WDTC1: variants seen among roughly 807,000 people sequenced by gnomAD.
WDTC1 encodes the protein WD and tetratricopeptide repeats protein 1.
Under a neutral mutation model 76.0 loss-of-function variants are expected in WDTC1, and 12 were observed. That is an observed-to-expected ratio of 0.16 (90% confidence interval 0.10 to 0.26). WDTC1 has a LOEUF of 0.26. Among genes scored for constraint, WDTC1 ranks in the 10% least tolerant of loss-of-function variants. The pLI is 1.00. For synonymous variants in WDTC1, 326 were observed against 350.8 expected (o/e 0.93, Z 0.79); for missense variants, 511 against 908.8 (o/e 0.56, Z 5.63).
intron 1 of WDTC1, among the ~76,000 whole-genome samples, chr1:27,243,108 A>G (rs944103474): frequency 9.2e-5 from 14 of 151,986 alleles, no homozygotes; most frequent in African/African-American, 3.4e-4. Context: ...GCTTAACCCT[A>G]AGGAATGGTA....
At chr1:27,286,467 C>CTTT (rs1172585069) in intron 5 of WDTC1, among the ~76,000 whole-genome samples, 43 of 124,430 alleles carry the variant, frequency 3.5e-4, no homozygotes, top group Non-Finnish European at 4.8e-4. Flanking sequence ...GGATTATTTC[C>CTTT]TTTTTTTTTT....
At position 27,303,916 on chromosome 1, in the gene WDTC1, G is replaced by C; in HGVS notation, c.1643+121G>C. On this transcript the variant is annotated intron_variant, in intron 14 of 15. Coordinates refer to ENST00000319394, the MANE Select transcript of WDTC1 (RefSeq NM_001276252.2). This position sits in a 1 kb window ranked among gnomAD's most constrained non-coding sequence, Gnocchi z 4.8. Reference sequence around the variant, plus strand: ...TCCCTGCTCTGCCTCTGTACCCTTGGGCAAATGGCTTCACCTTTGTCAGCC... The same window carrying C: ...TCCCTGCTCTGCCTCTGTACCCTTGCGCAAATGGCTTCACCTTTGTCAGCC... The C allele has an allele frequency of 7.4e-7, 1 of 1,346,332 alleles. No individual in the cohort carries two copies. The highest frequency in any genetic ancestry group is 1.3e-5 in the South Asian group (1 of 74,308). 83.4% of individuals were successfully genotyped at this position (1,346,332 alleles called of 1,614,324 possible).
intron 1 of WDTC1, among the ~76,000 whole-genome samples, chr1:27,244,504 G>A (rs1297239645): frequency 6.6e-6 from 1 of 151,998 alleles, no homozygotes; most frequent in African/African-American, 2.4e-5. Context: ...ACCATGCCTG[G>A]CTAATTTTTA....
chr1:27,296,301 C>T, intron 9 of WDTC1, 25 bp from the exon 10 acceptor site: 1 of 1,613,892 alleles, frequency 6.2e-7, no homozygotes, highest in Non-Finnish European at 8.5e-7. Flanking sequence ...GCTTCCATCT[C>T]TTTTTTTGCC....
At chr1:27,235,380 TTC>T (rs1037239020) in intron 1 of WDTC1, among the ~76,000 whole-genome samples, 17 of 145,986 alleles carry the variant, frequency 1.2e-4, no homozygotes, top group Non-Finnish European at 1.6e-4. Context: ...CTTTCTGTTT[TTC>T]TCTCTCTCTT....
At chr1:27,282,367 C>A in intron 4 of WDTC1, 82 bp downstream of exon 4, 2 of 1,420,086 alleles carry the variant, frequency 1.4e-6, no homozygotes, top group Non-Finnish European at 2.0e-6. Flanking sequence ...CTGAGAGGAT[C>A]CAAGGAAAAG....
chr1:27,272,290 GT>G (rs1367666208), intron 3 of WDTC1, among the ~76,000 whole-genome samples: 1 of 151,408 alleles, frequency 6.6e-6, no homozygotes, highest in East Asian at 2.0e-4. Context: ...AGGTTTTGCT[GT>G]GTTGCCCAGG....
chr1:27,244,940 A>C (rs1171133222), intron 1 of WDTC1, among the ~76,000 whole-genome samples: 1 of 152,044 alleles, frequency 6.6e-6, no homozygotes, highest in Admixed American at 6.6e-5. Context: ...AAATCTCAGC[A>C]TAGTGTCATC....
chr1:27,269,458 G>A (rs766811695), intron 3 of WDTC1, among the ~76,000 whole-genome samples: 3 of 151,728 alleles, frequency 2.0e-5, no homozygotes, highest in Admixed American at 6.6e-5. Context: ...AGTGGAAGAG[G>A]GATGAGAAAT....
intron 1 of WDTC1, among the ~76,000 whole-genome samples, chr1:27,242,580 C>T (rs2011663317): frequency 6.6e-6 from 1 of 152,012 alleles, no homozygotes. Flanking sequence ...AGTGATTCTC[C>T]TGCCTCAGCC....
At position 27,303,670 on chromosome 1, in the gene WDTC1, G is replaced by T; in HGVS notation, c.1518G>T (p.Thr506=). 6.2e-7 allele frequency: 1 copy of T among 1,611,832 alleles called. No homozygotes were observed. Among genetic ancestry groups the T allele is most frequent in the Non-Finnish European group, 8.5e-7 (1 of 1,179,124 alleles). The part of the protein sequence containing the change: ...GGGAPVRLRS[T]SRKDSISEDE... The stretch of plus-strand genomic sequence containing the variant: ...GCGCCCCAGTCCGCCTCCGCAGCAC[G>T]AGCCGCAAGGACTCCATCTCAGAGG... The change falls in exon 14 of 16, where the codon ACG becomes ACT. Residue 506 remains threonine, a synonymous_variant. Coordinates refer to ENST00000319394, the MANE Select transcript of WDTC1 (RefSeq NM_001276252.2). This position sits in a 1 kb window ranked among gnomAD's most constrained non-coding sequence, Gnocchi z 4.8.
At chr1:27,273,640 G>A (rs79766119) in intron 3 of WDTC1, among the ~76,000 whole-genome samples, 17,844 of 152,116 alleles carry the variant, frequency 0.12, 1,216 homozygotes, top group South Asian at 0.18. Context: ...TGGACTATAC[G>A]TTAGACAACA....
In WDTC1 at chr1:27,303,357, T is replaced by C. The variant is rs547770862; in HGVS notation, c.1469-264T>C. Among the ~76,000 whole-genome samples the C allele has an allele frequency of 5.1e-4, 77 of 152,240 alleles. 1 individual carries two copies. The highest frequency in any genetic ancestry group is 1.7e-3 in the African/African-American group (69 of 41,548). On this transcript the variant is annotated intron_variant, in intron 13 of 15. Transcript: ENST00000319394. This position sits in a 1 kb window ranked among gnomAD's most constrained non-coding sequence, Gnocchi z 4.8. ...TCCACAGAAACAGACTTTGAGTCTC[T>C]GCATCTTTGGGGCTTTCAGGCCCTC... is the stretch of plus-strand genomic sequence containing the variant.
At chr1:27,239,852 T>C (rs116695353) in intron 1 of WDTC1, among the ~76,000 whole-genome samples, 3 of 149,080 alleles carry the variant, frequency 2.0e-5, no homozygotes, top group Non-Finnish European at 3.0e-5. Flanking sequence ...AAAACTAACA[T>C]GTATTGAATA....
At chr1:27,247,164 C>T (rs2011868970) in intron 1 of WDTC1, among the ~76,000 whole-genome samples, 1 of 152,066 alleles carries the variant, frequency 6.6e-6, no homozygotes, top group East Asian at 1.9e-4. Flanking sequence ...TTAAGCGATT[C>T]TCCTGCCTCA....
intron 1 of WDTC1, among the ~76,000 whole-genome samples, chr1:27,252,394 C>G (rs77231721): frequency 6.6e-6 from 1 of 151,970 alleles, no homozygotes; most frequent in Non-Finnish European, 1.5e-5. Context: ...TCCTCTAGCT[C>G]GAGAAATTTT....
chr1:27,292,536 TC>T, intron 7 of WDTC1, 139 bp downstream of exon 7: 1 of 761,700 alleles, frequency 1.3e-6, no homozygotes, highest in Non-Finnish European at 1.9e-6. Flanking sequence ...CAAGCGATCC[TC>T]CCATCTCAGC....
chr1:27,252,031 G>C (rs1323669213), intron 1 of WDTC1, among the ~76,000 whole-genome samples: 2 of 151,920 alleles, frequency 1.3e-5, no homozygotes, highest in Non-Finnish European at 2.9e-5. Flanking sequence ...CTGGGTGATA[G>C]AGCAAGACTC....
chr1:27,251,725 AG>A (rs946694949), intron 1 of WDTC1, among the ~76,000 whole-genome samples: 46 of 152,160 alleles, frequency 3.0e-4, no homozygotes, highest in African/African-American at 1.0e-3. Flanking sequence ...TGGGAGTCTG[AG>A]GTGGGAAGAA....
Sources: allele counts gnomAD v4.1 joint callset (sites outside exome capture counted in the v4.1 genomes callset), GRCh38; gene constraint gnomAD v4.1.1; non-coding constraint Gnocchi (gnomAD v3.1); transcripts MANE v1.5; gene names NCBI Gene and HGNC (gene_info 2026-07-23, HGNC 2026-07-21).